Variants in STAG2 observed in about 807,000 individuals in gnomAD.
STAG2 encodes cohesin subunit SA-2.
Under a neutral mutation model 108.1 loss-of-function variants are expected in STAG2, and 14 were observed. That is an observed-to-expected ratio of 0.13 (90% CI 0.09 to 0.20). The LOEUF is 0.20. Among genes scored for constraint, STAG2 ranks in the 10% least tolerant of loss-of-function variants. The pLI is 1.00. For missense variants in STAG2, 440 were observed against 940.9 expected (o/e 0.47, Z 6.96); for synonymous variants, 307 against 302.7 (o/e 1.01, Z -0.15).
In STAG2 at chrX:124,061,725, T is replaced by G. The variant is rs200243221; in HGVS notation, c.1535-46T>G. On this transcript the variant is annotated intron_variant, in intron 16 of 34. Coordinates refer to ENST00000371145, the MANE Select transcript of STAG2 (RefSeq NM_001042750.2). Reference sequence around the variant, plus strand: ...ACAAGTGGCATATAGGGAGAAGAAATAAGCTAACTCTTTCTGACTTTTTTT... The same window carrying G: ...ACAAGTGGCATATAGGGAGAAGAAAGAAGCTAACTCTTTCTGACTTTTTTT... The G allele has an allele frequency of 7.3e-6, 7 of 957,799 alleles. No individual in the cohort carries two copies. In the Admixed American group the frequency reaches 2.6e-4, roughly 36 times the overall value. The allele number at this position is 957,799 out of a possible 1,213,427, so 78.9% of individuals were successfully genotyped here. A position where few individuals can be genotyped will look rare whatever the true frequency, so the allele number is the denominator to read the frequency against.
chrX:123,974,511 G>C (rs1029709863), intron 1 of STAG2, among the ~76,000 whole-genome samples: 1 of 107,872 alleles, frequency 9.3e-6, no homozygotes, highest in Admixed American at 1.0e-4. Flanking sequence ...ACAGGCATGA[G>C]CTACCGTGCC....
chrX:124,100,471 C>G, intron 34 of STAG2, 103 bp from the exon 35 acceptor site: 2 of 697,852 alleles, frequency 2.9e-6, no homozygotes, highest in Non-Finnish European at 4.3e-6. Context: ...GTTTTATTAG[C>G]ATGTTATTTA....
chrX:124,083,958 A>G (rs1415808728), intron 29 of STAG2, among the ~76,000 whole-genome samples: 1 of 111,373 alleles, frequency 9.0e-6, no homozygotes, highest in Non-Finnish European at 1.9e-5. Flanking sequence ...GCCTTAACCC[A>G]ACTAAGGAGG....
At chrX:123,962,923 G>A (rs892731930) in intron 1 of STAG2, among the ~76,000 whole-genome samples, 1 of 111,491 alleles carries the variant, frequency 9.0e-6, no homozygotes, top group African/African-American at 3.3e-5. Flanking sequence ...CTCATTATCA[G>A]CTTAATTTAG....
intron 32 of STAG2, among the ~76,000 whole-genome samples, chrX:124,091,219 C>T: frequency 9.0e-6 from 1 of 111,630 alleles, no homozygotes; most frequent in Middle Eastern, 4.6e-3. Flanking sequence ...TATTTTGGTA[C>T]ACAGCATTAA....
chrX:124,071,090 C>A (rs2148371270), intron 24 of STAG2, 59 bp from the exon 25 acceptor site: 1 of 878,771 alleles, frequency 1.1e-6, no homozygotes, highest in Non-Finnish European at 1.5e-6. Context: ...TTATTTGTGG[C>A]AGTTAGTGAG....
intron 1 of STAG2, among the ~76,000 whole-genome samples, chrX:124,009,700 C>T (rs1743911853): frequency 9.0e-6 from 1 of 110,812 alleles, no homozygotes; most frequent in Non-Finnish European, 1.9e-5. Context: ...TGGGACTTGA[C>T]TTGTACTGTC....
At chrX:124,029,000 TA>T (rs2148046086) in intron 4 of STAG2, among the ~76,000 whole-genome samples, 1 of 98,383 alleles carries the variant, frequency 1.0e-5, no homozygotes, top group African/African-American at 3.7e-5. Context: ...TATATATATA[TA>T]TATATATATA....
intron 1 of STAG2, among the ~76,000 whole-genome samples, chrX:123,997,700 C>T (rs1444362291): frequency 8.9e-6 from 1 of 112,358 alleles, no homozygotes. Context: ...TGCATTGGCA[C>T]GATCTCGGCT....
rs2058804977 is a variant in STAG2 at position 124,076,437 on chromosome X, A to G, written c.2639A>G (p.Asn880Ser). Residue 880 changes from asparagine (N) to serine (S), a missense_variant, in exon 26 of 35, where the codon AAT (asparagine) becomes AGT (serine). Coordinates refer to ENST00000371145, the MANE Select transcript of STAG2 (RefSeq NM_001042750.2). The stretch of plus-strand genomic sequence containing the variant: ...ATTGTATATACTGTGGTGGAGATGA[A>G]TACAGCTGCAGATATCTTCAAACAG... ...KLIVYTVVEM[N>S]TAADIFKQYM... The G allele has an allele frequency of 4.2e-6, 5 of 1,197,879 alleles. No individual in the cohort carries two copies. The South Asian group carries it at 5.6e-5, about 13-fold the overall frequency.
At chrX:124,056,731 TAAAAAA>T (rs771229412) in intron 14 of STAG2, among the ~76,000 whole-genome samples, 17 of 42,380 alleles carry the variant, frequency 4.0e-4, no homozygotes, top group African/African-American at 8.7e-4. Flanking sequence ...AGACTCCATC[TAAAAAA>T]AAAAAAAAAA....
intron 7 of STAG2, among the ~76,000 whole-genome samples, chrX:124,044,786 T>C (rs2057827763): frequency 8.9e-6 from 1 of 112,351 alleles, no homozygotes; most frequent in African/African-American, 3.2e-5. Flanking sequence ...AGAGTATAAT[T>C]TCCATCATTT....
At chrX:124,057,345 G>A (rs1342113051) in intron 14 of STAG2, among the ~76,000 whole-genome samples, 1 of 111,866 alleles carries the variant, frequency 8.9e-6, no homozygotes, top group African/African-American at 3.2e-5. Flanking sequence ...AGAGTAGGTG[G>A]TATAAAACAT....
At chrX:124,080,570 C>A (rs903283821) in intron 27 of STAG2, among the ~76,000 whole-genome samples, 10 of 110,160 alleles carry the variant, frequency 9.1e-5, no homozygotes, top group Non-Finnish European at 3.8e-5. Context: ...CACCTTTAAT[C>A]GCAGCTACTC....
At chrX:123,985,433 GT>G (rs1238303505) in intron 1 of STAG2, among the ~76,000 whole-genome samples, 1 of 110,804 alleles carries the variant, frequency 9.0e-6, no homozygotes, top group Non-Finnish European at 1.9e-5. Context: ...GTCTTACTTT[GT>G]TCCCCAGGCT....
Position 123,967,939 on chromosome X carries a change from C to T in STAG2, c.-163+6083C>T, listed in dbSNP as rs28508399. Among the ~76,000 whole-genome samples the T allele has an allele frequency of 3.6e-3, 384 of 107,801 alleles. 1 individual carries two copies. The highest frequency in any genetic ancestry group is 0.012 in the African/African-American group (356 of 29,455). The allele number at this position is 107,801 out of a possible 115,157, so 93.6% of individuals were successfully genotyped here. A position where few individuals can be genotyped will look rare whatever the true frequency, so the allele number is the denominator to read the frequency against. ...TTTTTTAGATGGAGTCTCCCTCTGT[C>T]GCTCAGGCTGGGGTGCAGTGGCGAG... On this transcript the variant is annotated intron_variant, in intron 1 of 34. Coordinates refer to ENST00000371145, the MANE Select transcript of STAG2 (RefSeq NM_001042750.2).
intron 4 of STAG2, among the ~76,000 whole-genome samples, chrX:124,028,818 A>T (rs1164419822): frequency 4.5e-3 from 155 of 34,603 alleles, no homozygotes; most frequent in African/African-American, 0.018. Flanking sequence ...ATATATATAT[A>T]TATATTTTTT....
chrX:124,014,844 T>C (rs980724055), intron 1 of STAG2, among the ~76,000 whole-genome samples: 23 of 110,316 alleles, frequency 2.1e-4, no homozygotes, highest in African/African-American at 6.6e-4. Flanking sequence ...CCATCCAGGT[T>C]TGTGTAAAAG....
At chrX:124,085,607 T>A (rs1380674336) in intron 29 of STAG2, among the ~76,000 whole-genome samples, 1 of 109,880 alleles carries the variant, frequency 9.1e-6, no homozygotes, top group African/African-American at 3.3e-5. Context: ...AAACCCTGTC[T>A]CTACAAAAGA....
Sources: allele counts gnomAD v4.1 joint callset (sites outside exome capture counted in the v4.1 genomes callset), GRCh38; gene constraint gnomAD v4.1.1; transcripts MANE v1.5; gene names NCBI Gene and HGNC (gene_info 2026-07-23, HGNC 2026-07-21).